The following RAB37 variants were observed in gnomAD, a reference collection of about 807,000 sequenced individuals.
The protein encoded by RAB37 is RAB37, member RAS oncogene family.
Under a neutral mutation model 33.1 loss-of-function variants are expected in RAB37, and 29 were observed. The observed-to-expected ratio is 0.88, with a 90% confidence interval of 0.65 to 1.20. The LOEUF (loss-of-function observed/expected upper bound fraction) is 1.20, where lower values mean the gene tolerates loss of function less well. Among genes scored for constraint, RAB37 ranks in the 50% most tolerant of loss-of-function variants. The probability of loss-of-function intolerance (pLI) is 0.00; values close to 1 mark genes in which losing one functional copy is unlikely to be tolerated. For synonymous variants in RAB37, 128 were observed against 119.5 expected, an observed-to-expected ratio of 1.07 and a Z score of -0.47; for missense variants, 299 against 301.1, an observed-to-expected ratio of 0.99 and a Z score of 0.05.
intron 1 of RAB37, among the ~76,000 whole-genome samples, chr17:74,692,035 T>A (rs972817780): frequency 6.6e-6 from 1 of 151,916 alleles, no homozygotes; most frequent in African/African-American, 2.4e-5. Flanking sequence ...CCAGTTAATT[T>A]TTTTGTATTT....
intron 1 of RAB37, chr17:74,695,338 GA>G: frequency 6.6e-7 from 1 of 1,505,810 alleles, no homozygotes; most frequent in Non-Finnish European, 9.1e-7. Flanking sequence ...GGATAGTGGG[GA>G]TGGACCATTC....
chr17:74,745,399 C>A lies in RAB37; in HGVS notation c.660C>A (p.Cys220Ter). The A allele has an allele frequency of 1.9e-6, 3 of 1,613,782 alleles. No individual in the cohort carries two copies. In the South Asian group the frequency reaches 3.3e-5, roughly 18 times the overall value. Residue 220 changes from cysteine (C) to a stop codon, truncating the protein, a stop_gained, in exon 9 of 9, where the codon TGC becomes TGA. Coordinates refer to ENST00000392613, the MANE Select transcript of RAB37 (RefSeq NM_001006638.3). LOFTEE classifies it high-confidence loss of function. This position sits in a 1 kb window ranked among gnomAD's most constrained non-coding sequence, Gnocchi z 4.5. ...VESQKKRSSC[C>*]SFM Reference sequence around the variant, plus strand: ...CCCAGAAGAAGCGCTCCAGCTGCTGCTCCTTCATGTGAATCCCAGGGGGCA... The same window carrying A: ...CCCAGAAGAAGCGCTCCAGCTGCTGATCCTTCATGTGAATCCCAGGGGGCA...
In RAB37 at chr17:74,743,155, G is replaced by A; in HGVS notation, c.273G>A (p.Arg91=). 1.9e-6 allele frequency: 3 copies of A among 1,613,688 alleles called. No homozygotes were observed. Among genetic ancestry groups the A allele is most frequent in the Non-Finnish European group, 2.5e-6 (3 of 1,179,752 alleles). Reference sequence around the variant, plus strand: ...TCTGGGACACCGCTGGGCAGGAACGGTTCCGAAGCGTCACCCATGCTTATT... The same window carrying A: ...TCTGGGACACCGCTGGGCAGGAACGATTCCGAAGCGTCACCCATGCTTATT... ...LQIWDTAGQE[R]FRSVTHAYYR... The change falls in exon 4 of 9, where the codon CGG becomes CGA. Residue 91 remains arginine (R), a synonymous_variant. Transcript: ENST00000392613.
intron 1 of RAB37, among the ~76,000 whole-genome samples, chr17:74,697,041 A>C (rs1314796060): frequency 6.6e-6 from 1 of 152,180 alleles, no homozygotes; most frequent in Non-Finnish European, 1.5e-5. Flanking sequence ...TCCTGGGTTC[A>C]AGCGATTCTC....
chr17:74,736,677 A>G (rs1598320007), upstream of RAB37: 1 of 1,535,748 alleles, frequency 6.5e-7, no homozygotes, highest in Non-Finnish European at 8.7e-7. Flanking sequence ...TAAAGGGTCA[A>G]AGTCCCCGCA....
upstream of RAB37, chr17:74,736,930 CTT>C: frequency 6.6e-7 from 1 of 1,507,344 alleles, no homozygotes; most frequent in East Asian, 2.5e-5. Flanking sequence ...TACGGGAACT[CTT>C]CCGCAGCAGA....
In RAB37 at chr17:74,676,750, A is replaced by G. The variant is rs1231252775; in HGVS notation, c.72+5092A>G. Among the ~76,000 whole-genome samples, 1 of 152,206 alleles carries G rather than the reference A, an allele frequency of 6.6e-6. No homozygotes were observed. Among genetic ancestry groups the G allele is most frequent in the Non-Finnish European group, 1.5e-5 (1 of 68,048 alleles). ...AATGGCTATACTTTTATATAATTCC[A>G]GAAGTGTCCTAAGAAAGATACGGGT... On this transcript the variant is annotated intron_variant, in intron 1 of 7. Coordinates refer to the RAB37 transcript ENST00000340415. The surrounding 1 kb of genome is among the most constrained non-coding windows in gnomAD (Gnocchi z 4.1).
rs147955769 is a variant in RAB37, at chr17:74,692,885, T to G, written c.72+21227T>G. Among the ~76,000 whole-genome samples, 640 of 152,316 alleles carry G rather than the reference T, an allele frequency of 4.2e-3. 7 individuals are homozygous for G. Among genetic ancestry groups the G allele is most frequent in the East Asian group, 0.019 (96 of 5,176 alleles). ...TGCCTTCTACTCCAAATACACTGCT[T>G]ATTCATTGAGTCAACCAATAAACAT... is the stretch of plus-strand genomic sequence containing the variant. On this transcript the variant is annotated intron_variant, in intron 1 of 7. Coordinates refer to the RAB37 transcript ENST00000340415.
At chr17:74,704,715 A>G (rs2033367861) in intron 1 of RAB37, 2 of 1,614,200 alleles carry the variant, frequency 1.2e-6, no homozygotes, top group Non-Finnish European at 1.7e-6. Flanking sequence ...CACTTCAAGT[A>G]GGTCTCCCAG....
At chr17:74,710,744 G>A (rs565586935) in intron 1 of RAB37, among the ~76,000 whole-genome samples, 2 of 151,770 alleles carry the variant, frequency 1.3e-5, no homozygotes, top group East Asian at 3.9e-4. Flanking sequence ...TGGCACACCT[G>A]TAATCCCAGC....
upstream of RAB37, among the ~76,000 whole-genome samples, chr17:74,734,937 AAAGAAAGAAAGAGAGAAAG>A (rs1474156977): frequency 2.4e-5 from 3 of 124,302 alleles, no homozygotes; most frequent in South Asian, 2.3e-4. Flanking sequence ...AAAGAAAGAG[AAAGAAAGAAAGAGAGAAAG>A]AAGAAAGAAA....
chr17:74,688,595 G>C (rs1598187365), intron 1 of RAB37, among the ~76,000 whole-genome samples: 1 of 150,156 alleles, frequency 6.7e-6, no homozygotes, highest in Middle Eastern at 3.4e-3. Context: ...AAATACAAAG[G>C]AATTTAAACA....
rs191469249 is a variant in RAB37, at chr17:74,739,492, G to A, written c.94-1276G>A. ...TCCAACTACACATCTCCCCACTTCA[G>A]TATAAATTTCAACCTTCCCTAATTC... On this transcript the variant is annotated intron_variant, in intron 1 of 8. Transcript: ENST00000392613. Among the ~76,000 whole-genome samples the A allele has an allele frequency of 1.8e-4, 26 of 143,424 alleles. No homozygotes were observed. The East Asian group carries it at 5.6e-3, about 31-fold the overall frequency. The allele number at this position is 143,424 out of a possible 152,430, so 94.1% of individuals were successfully genotyped here.
chr17:74,688,125 C>T (rs1047313507), intron 1 of RAB37, among the ~76,000 whole-genome samples: 1 of 152,214 alleles, frequency 6.6e-6, no homozygotes, highest in Admixed American at 6.5e-5. Context: ...ACAGAGTGCT[C>T]ACAGCTGGCA....
At chr17:74,717,376 C>G (rs2144000043) in intron 1 of RAB37, among the ~76,000 whole-genome samples, 1 of 152,278 alleles carries the variant, frequency 6.6e-6, no homozygotes, top group East Asian at 1.9e-4. Flanking sequence ...AAGAGTGAGT[C>G]TGAAAGTTTG....
chr17:74,726,271 G>A (rs1294421148), intron 1 of RAB37, among the ~76,000 whole-genome samples: 1 of 150,632 alleles, frequency 6.6e-6, no homozygotes, highest in Non-Finnish European at 1.5e-5. Flanking sequence ...CAATATGAGA[G>A]GATCATCCTG....
chr17:74,732,703 G>GGGT (rs2034405044), upstream of RAB37, among the ~76,000 whole-genome samples: 1 of 60,846 alleles, frequency 1.6e-5, no homozygotes. Flanking sequence ...TGTGATTTGA[G>GGGT]GGGTGTGTGG....
intron 1 of RAB37, among the ~76,000 whole-genome samples, chr17:74,701,177 T>TA (rs2033020029): frequency 6.6e-6 from 1 of 152,242 alleles, no homozygotes; most frequent in Non-Finnish European, 1.5e-5. Context: ...ATATAAGGAT[T>TA]ATCTCCTTCA....
chr17:74,703,767 C>T (rs1478902684), intron 1 of RAB37, among the ~76,000 whole-genome samples: 3 of 152,180 alleles, frequency 2.0e-5, no homozygotes, highest in Admixed American at 6.5e-5. Flanking sequence ...CAAGGGCCCT[C>T]GAGCCATCCT....
Sources: allele counts gnomAD v4.1 joint callset (sites outside exome capture counted in the v4.1 genomes callset), GRCh38; gene constraint gnomAD v4.1.1; non-coding constraint Gnocchi (gnomAD v3.1); transcripts MANE v1.5; gene names NCBI Gene and HGNC (gene_info 2026-07-23, HGNC 2026-07-21).